Variants in HMGN1 observed in about 807,000 individuals in gnomAD.
The protein encoded by HMGN1 is high mobility group nucleosome binding domain 1.
Under a neutral mutation model 18.4 loss-of-function variants are expected in HMGN1, and 9 were observed. The observed-to-expected ratio is 0.49, with a 90% CI of 0.29 to 0.85. The LOEUF is 0.85. HMGN1 is among the 40% of genes least tolerant of loss of function. The pLI, the probability that HMGN1 is intolerant of heterozygous loss-of-function variation, is 0.07. For synonymous variants in HMGN1, 59 were observed against 45.0 expected (o/e 1.31, Z -1.24); for missense variants, 151 against 119.2 (o/e 1.27, Z -1.24).
Position 39,348,431 on chromosome 21 carries a change from C to G in HMGN1, c.69G>C (p.Arg23=). ...GGCTCGCTTTACTTACAGCTGACAA[C>G]CGCGCCGATCTCCTCTTGGGCTTGG... ...AKEEPKRRSA[R]LSAKPPAKVE... The change falls in exon 3 of 6, where the codon CGG becomes CGC. Residue 23 remains arginine (R), a synonymous_variant. Coordinates refer to ENST00000380749, the MANE Select transcript of HMGN1 (RefSeq NM_004965.7). 6.2e-7 allele frequency: 1 copy of G among 1,614,224 alleles called. No individual in the cohort carries two copies. Among genetic ancestry groups the G allele is most frequent in the Non-Finnish European group, 8.5e-7 (1 of 1,180,038 alleles).
intron 1 of HMGN1, 41 bp downstream of exon 1, chr21:39,348,862 G>T: frequency 9.2e-7 from 1 of 1,089,966 alleles, no homozygotes; most frequent in Non-Finnish European, 1.1e-6. Context: ...GGCGCCGGCG[G>T]CGGCTCCAGG....
intron 4 of HMGN1, chr21:39,347,596 C>T: frequency 2.2e-6 from 1 of 447,800 alleles, no homozygotes; most frequent in Non-Finnish European, 4.4e-6. Flanking sequence ...ACATGTAGAG[C>T]TTTACAGGTT....
intron 4 of HMGN1, chr21:39,347,917 C>G: frequency 9.9e-7 from 1 of 1,010,708 alleles, no homozygotes; most frequent in Non-Finnish European, 1.2e-6. Flanking sequence ...AAAACTTACA[C>G]GTTCCCTTTC....
chr21:39,348,073 TAA>T (rs2037122749), intron 4 of HMGN1: 1 of 926,480 alleles, frequency 1.1e-6, no homozygotes, highest in Non-Finnish European at 1.6e-6. Flanking sequence ...TTTGTCGTCC[TAA>T]GTCTCCTAAC....
chr21:39,346,026 T>A, intron 4 of HMGN1: 1 of 982,364 alleles, frequency 1.0e-6, no homozygotes, highest in Non-Finnish European at 1.4e-6. Flanking sequence ...TAAGCCATGT[T>A]AAAGAAACAT....
intron 5 of HMGN1, among the ~76,000 whole-genome samples, chr21:39,343,874 A>G (rs1346922244): frequency 6.6e-6 from 1 of 152,254 alleles, no homozygotes; most frequent in Non-Finnish European, 1.5e-5. Context: ...GATAACATGT[A>G]CTAGAAGGTC....
intron 5 of HMGN1, among the ~76,000 whole-genome samples, chr21:39,343,377 T>C (rs2036931364): frequency 6.6e-6 from 1 of 152,056 alleles, no homozygotes; most frequent in South Asian, 2.1e-4. Flanking sequence ...CAGGAAAAAA[T>C]GTTGAGTTGC....
In HMGN1 at chr21:39,348,568, C is replaced by A; in HGVS notation, c.25G>T (p.Ala9Ser). Reference sequence around the variant, plus strand: ...ACCTCTTCCTTGGCGGCGCCTTCGGCGGAGCTGACCTGCGGAGACGGAGAC... The same window carrying A: ...ACCTCTTCCTTGGCGGCGCCTTCGGAGGAGCTGACCTGCGGAGACGGAGAC... Reference protein sequence around the residue: MPKRKVSSAEGAAKEEPKR... With the variant: MPKRKVSSSEGAAKEEPKR... Residue 9 changes from alanine to serine, a missense_variant, in exon 2 of 6, where the codon GCC becomes TCC. Transcript: ENST00000380749. The A allele has an allele frequency of 6.3e-7, 1 of 1,599,036 alleles. No homozygotes were observed. Among genetic ancestry groups the A allele is most frequent in the Non-Finnish European group, 8.5e-7 (1 of 1,171,702 alleles).
At chr21:39,344,890 A>G (rs2036988936) in intron 5 of HMGN1, among the ~76,000 whole-genome samples, 1 of 152,212 alleles carries the variant, frequency 6.6e-6, no homozygotes, top group African/African-American at 2.4e-5. Context: ...ATATAAAAAC[A>G]AAACAAAGAT....
rs1017757258 is a variant in HMGN1 at position 39,348,760 on chromosome 21, C to G, written c.15+143G>C. The G allele has an allele frequency of 2.2e-5, 23 of 1,065,934 alleles. No homozygotes were observed. In the African/African-American group the frequency reaches 3.4e-4, roughly 16 times the overall value. 66.0% of individuals were successfully genotyped at this position (1,065,934 alleles called of 1,614,324 possible). A position where few individuals can be genotyped will look rare whatever the true frequency, so the allele number is the denominator to read the frequency against. ...AACGCCCGCCCCCGCGGCCGCCGAG[C>G]GCTCGCCTGCCCGCCCGCCGGTCTC... is the stretch of plus-strand genomic sequence containing the variant. On this transcript the variant is annotated intron_variant, in intron 1 of 5. Transcript: ENST00000380749.
chr21:39,343,462 C>T (rs1278584156), intron 5 of HMGN1, among the ~76,000 whole-genome samples: 1 of 152,120 alleles, frequency 6.6e-6, no homozygotes, highest in African/African-American at 2.4e-5. Context: ...ACTGTTTTTC[C>T]GGTCTACTTA....
chr21:39,345,727 G>C, intron 4 of HMGN1: 3 of 713,558 alleles, frequency 4.2e-6, no homozygotes, highest in Non-Finnish European at 6.5e-6. Flanking sequence ...GTTGAATACC[G>C]GAGGAGTCTC....
At chr21:39,347,397 A>C (rs2037093704) in intron 4 of HMGN1, 1 of 1,227,788 alleles carries the variant, frequency 8.1e-7, no homozygotes, top group Non-Finnish European at 1.1e-6. Context: ...AACAAGGACA[A>C]ATTTAGTAAT....
Position 39,342,476 on chromosome 21 carries a change from T to C in HMGN1, c.*636A>G, listed in dbSNP as rs1301766887. On this transcript the variant is annotated 3_prime_UTR_variant, in exon 6 of 6. Transcript: ENST00000380749. Reference sequence around the variant, plus strand: ...CAGCTTAAAATTTGGAAGCAAATTTTCCTTAAGAGGCTATCAAGTACCAGT... The same window carrying C: ...CAGCTTAAAATTTGGAAGCAAATTTCCCTTAAGAGGCTATCAAGTACCAGT... 5 of 190,660 alleles carry C rather than the reference T, an allele frequency of 2.6e-5. No individual in the cohort carries two copies. In the South Asian group the frequency reaches 3.5e-4, roughly 14 times the overall value. The allele number at this position is 190,660 out of a possible 1,614,324, so 11.8% of individuals were successfully genotyped here.
chr21:39,345,575 G>A (rs973704888), intron 4 of HMGN1: 12 of 428,122 alleles, frequency 2.8e-5, no homozygotes, highest in Admixed American at 2.1e-4. Flanking sequence ...GGAAAACAAT[G>A]TATGCTAAGG....
rs559426291 is a variant in HMGN1 at position 39,343,259 on chromosome 21, T to C, written c.256-100A>G. 10 of 1,162,458 alleles carry C rather than the reference T, an allele frequency of 8.6e-6. No homozygotes were observed. The African/African-American group carries it at 1.6e-4, about 18-fold the overall frequency. 72.0% of individuals were successfully genotyped at this position (1,162,458 alleles called of 1,614,324 possible). A position where few individuals can be genotyped will look rare whatever the true frequency, so the allele number is the denominator to read the frequency against. Reference sequence around the variant, plus strand: ...TTAAAAAAGTCAATAACCTTTGTTATTTGTAAAGTCACCTACCTACTCTTG... The same window carrying C: ...TTAAAAAAGTCAATAACCTTTGTTACTTGTAAAGTCACCTACCTACTCTTG... On this transcript the variant is annotated intron_variant, in intron 5 of 5. Transcript: ENST00000380749.
chr21:39,347,190 T>TA lies in HMGN1; in HGVS notation c.126+1101dup, dbSNP rs563227885. 9.7e-4 allele frequency: 329 copies of TA among 337,642 alleles called. 1 individual carries two copies. Among genetic ancestry groups the TA allele is most frequent in the African/African-American group, 6.3e-3 (285 of 45,082 alleles). 20.9% of individuals were successfully genotyped at this position (337,642 alleles called of 1,614,324 possible). ...GCTGTTCTAACTGTATACAGAGAAT[T>TA]ACCACATGGTCTTCTGGTAATGAGA... On this transcript the variant is annotated intron_variant, in intron 4 of 5. Coordinates refer to ENST00000380749, the MANE Select transcript of HMGN1 (RefSeq NM_004965.7).
intron 5 of HMGN1, 125 bp from the exon 6 acceptor site, chr21:39,343,284 G>GA: frequency 1.1e-6 from 1 of 932,756 alleles, no homozygotes; most frequent in Non-Finnish European, 1.6e-6. Flanking sequence ...ACCTACTCTT[G>GA]TTAAAAAACT....
At chr21:39,346,716 A>ATTGG (rs796722779) in intron 4 of HMGN1, 23 of 152,484 alleles carry the variant, frequency 1.5e-4, no homozygotes, top group African/African-American at 5.5e-4. Context: ...CGATACACCA[A>ATTGG]GTGCTTACGT....
Sources: allele counts gnomAD v4.1 joint callset (sites outside exome capture counted in the v4.1 genomes callset), GRCh38; gene constraint gnomAD v4.1.1; transcripts MANE v1.5; gene names NCBI Gene and HGNC (gene_info 2026-07-23, HGNC 2026-07-21).